DCDC1: variants seen among roughly 807,000 people sequenced by gnomAD.
DCDC1 encodes the protein doublecortin domain containing 1.
In DCDC1, 200 loss-of-function variants were observed where a neutral mutation model predicts 178.3. The observed-to-expected ratio is 1.12, with a 90% CI of 1.00 to 1.26. The LOEUF is 1.26. Ranked by LOEUF, DCDC1 falls within the 50% of genes most tolerant of loss-of-function variation. The pLI is 0.00. For missense variants in DCDC1, 1,983 were observed against 1,749.2 expected (o/e 1.13, Z -2.38); for synonymous variants, 690 against 604.8 (o/e 1.14, Z -2.07).
At chr11:30,958,949 T>C (rs1948923196) in intron 20 of DCDC1, among the ~76,000 whole-genome samples, 1 of 151,992 alleles carries the variant, frequency 6.6e-6, no homozygotes. Flanking sequence ...GCCCAGTGAA[T>C]AGAGGAAAGG....
chr11:30,923,397 TCTC>T (rs1946378520), intron 23 of DCDC1, among the ~76,000 whole-genome samples: 3 of 116,618 alleles, frequency 2.6e-5, no homozygotes, highest in Non-Finnish European at 1.8e-5. Flanking sequence ...CTTTTCCTCT[TCTC>T]CTTTTTTTTT....
chr11:31,256,286 G>A (rs1010263291), intron 8 of DCDC1, among the ~76,000 whole-genome samples: 1 of 152,102 alleles, frequency 6.6e-6, no homozygotes, highest in Non-Finnish European at 1.5e-5. Flanking sequence ...AGTTTGCAAG[G>A]TTAAGAGTAC....
intron 9 of DCDC1, among the ~76,000 whole-genome samples, chr11:31,232,970 G>T (rs11031327): frequency 4.7e-4 from 72 of 151,730 alleles, no homozygotes; most frequent in African/African-American, 1.6e-3. Flanking sequence ...TGCCTGTAAC[G>T]CCAGCTACTC....
chr11:30,896,403 CTTGGCCCATTG>C (rs1364147191), intron 34 of DCDC1, among the ~76,000 whole-genome samples: 11 of 152,088 alleles, frequency 7.2e-5, no homozygotes, highest in Non-Finnish European at 1.0e-4. Flanking sequence ...GCTGGGGATT[CTTGGCCCATTG>C]TTTCTCTTAG....
intron 20 of DCDC1, among the ~76,000 whole-genome samples, chr11:31,015,922 T>C (rs932241814): frequency 1.3e-5 from 2 of 152,200 alleles, no homozygotes; most frequent in Non-Finnish European, 2.9e-5. Flanking sequence ...TCTAAGCTGT[T>C]AAATGTCTAA....
At chr11:30,914,163 A>G (rs1375463172) in intron 27 of DCDC1, among the ~76,000 whole-genome samples, 1 of 152,230 alleles carries the variant, frequency 6.6e-6, no homozygotes, top group Non-Finnish European at 1.5e-5. Flanking sequence ...CTGCTGTCCT[A>G]CCTACACATT....
intron 20 of DCDC1, among the ~76,000 whole-genome samples, chr11:31,040,801 G>C (rs890334645): frequency 4.6e-5 from 7 of 152,124 alleles, no homozygotes; most frequent in African/African-American, 1.7e-4. Context: ...CTTAAACCCT[G>C]TCTTATTCCA....
intron 20 of DCDC1, among the ~76,000 whole-genome samples, chr11:30,999,215 T>A (rs1234653451): frequency 6.6e-6 from 1 of 152,160 alleles, no homozygotes; most frequent in African/African-American, 2.4e-5. Flanking sequence ...AAAGGTAACA[T>A]CAGTGGAAAA....
chr11:31,328,736 G>A lies in DCDC1; in HGVS notation c.-6-450C>T, dbSNP rs577828431. 3.6e-4 allele frequency among the ~76,000 whole-genome samples: 55 copies of A among 151,272 alleles called. No individual in the cohort carries two copies. The East Asian group carries it at 7.6e-3, about 21-fold the overall frequency. Reference sequence around the variant, plus strand: ...TGAGGCAGGAGAATGGCAGGAACCCGGGAGGTGGAGCTTGCAGTGCGGTGA... The same window carrying A: ...TGAGGCAGGAGAATGGCAGGAACCCAGGAGGTGGAGCTTGCAGTGCGGTGA... On this transcript the variant is annotated intron_variant, in intron 2 of 38. Transcript: ENST00000684477.
chr11:31,198,017 C>T (rs1000242595), intron 9 of DCDC1, among the ~76,000 whole-genome samples: 6 of 150,374 alleles, frequency 4.0e-5, no homozygotes, highest in Admixed American at 1.3e-4. Flanking sequence ...GTGAATCGTA[C>T]AATGTGTATG....
intron 9 of DCDC1, among the ~76,000 whole-genome samples, chr11:31,237,098 T>C (rs1591504599): frequency 1.3e-5 from 2 of 152,074 alleles, no homozygotes; most frequent in East Asian, 3.9e-4. Context: ...AATTCAAGCA[T>C]ATTTTGAGAT....
chr11:31,283,322 C>T (rs558544352), intron 7 of DCDC1, among the ~76,000 whole-genome samples: 2 of 151,956 alleles, frequency 1.3e-5, no homozygotes, highest in Non-Finnish European at 2.9e-5. Context: ...TTGAAGTTCA[C>T]GGATCTTTTC....
At chr11:30,943,425 G>T in intron 21 of DCDC1, 1 of 259,866 alleles carries the variant, frequency 3.8e-6, no homozygotes. Context: ...TAAACTTTTA[G>T]CTTTGTTCTG....
At chr11:31,172,793 TGAG>T (rs1370413925) in intron 9 of DCDC1, among the ~76,000 whole-genome samples, 2 of 152,116 alleles carry the variant, frequency 1.3e-5, no homozygotes, top group Non-Finnish European at 2.9e-5. Context: ...TTTAGCAAGC[TGAG>T]GAGGAGGACA....
chr11:30,973,748 T>C (rs544721855), intron 20 of DCDC1, among the ~76,000 whole-genome samples: 2 of 152,204 alleles, frequency 1.3e-5, no homozygotes, highest in Non-Finnish European at 2.9e-5. Context: ...AACCAAATAA[T>C]ATTAAACATA....
intron 20 of DCDC1, among the ~76,000 whole-genome samples, chr11:31,056,071 T>C (rs1349864672): frequency 2.0e-5 from 3 of 152,174 alleles, no homozygotes; most frequent in Non-Finnish European, 4.4e-5. Context: ...AGTGCATATA[T>C]GGAGATTAAG....
At chr11:30,942,429 C>A (rs1325414797) in intron 21 of DCDC1, among the ~76,000 whole-genome samples, 4 of 152,094 alleles carry the variant, frequency 2.6e-5, no homozygotes, top group Non-Finnish European at 5.9e-5. Flanking sequence ...GTGAGGGAAT[C>A]TCATTAGAAA....
At chr11:31,213,506 G>A (rs1164545023) in intron 9 of DCDC1, among the ~76,000 whole-genome samples, 1 of 151,978 alleles carries the variant, frequency 6.6e-6, no homozygotes, top group Non-Finnish European at 1.5e-5. Flanking sequence ...CGAATCACAA[G>A]GTCAGGAGTT....
At chr11:30,867,016 C>G (rs915639807) in intron 38 of DCDC1, among the ~76,000 whole-genome samples, 1 of 152,158 alleles carries the variant, frequency 6.6e-6, no homozygotes, top group Non-Finnish European at 1.5e-5. Context: ...TCTTGGACTT[C>G]CCAGCCTCCA....
Sources: allele counts gnomAD v4.1 joint callset (sites outside exome capture counted in the v4.1 genomes callset), GRCh38; gene constraint gnomAD v4.1.1; transcripts MANE v1.5; gene names NCBI Gene and HGNC (gene_info 2026-07-23, HGNC 2026-07-21).